CADM1: variants seen among roughly 807,000 people sequenced by gnomAD.
CADM1 encodes TSLC-1.
In CADM1, 15 loss-of-function variants were observed where a neutral mutation model predicts 53.1. The ratio of observed to expected loss-of-function variants is 0.28; its 90% CI spans 0.19 to 0.44. CADM1 has a LOEUF of 0.44. Ranked by LOEUF, CADM1 falls within the 20% of genes least tolerant of loss-of-function variation. The pLI, the probability that CADM1 is intolerant of heterozygous loss-of-function variation, is 1.00. For missense variants in CADM1, 434 were observed against 611.3 expected (o/e 0.71, Z 3.06); for synonymous variants, 281 against 243.0 (o/e 1.16, Z -1.45).
intron 1 of CADM1, among the ~76,000 whole-genome samples, chr11:115,455,213 T>C (rs1356688841): frequency 6.6e-6 from 1 of 152,114 alleles, no homozygotes; most frequent in Non-Finnish European, 1.5e-5. Flanking sequence ...TTCCAACCAA[T>C]TGCAAAATCA....
chr11:115,217,057 A>G (rs937319058), intron 6 of CADM1, among the ~76,000 whole-genome samples: 7 of 152,282 alleles, frequency 4.6e-5, no homozygotes, highest in African/African-American at 1.7e-4. Flanking sequence ...TTGACCTATT[A>G]TTCCATTTCA....
At chr11:115,275,446 G>A (rs924496129) in intron 1 of CADM1, among the ~76,000 whole-genome samples, 1 of 152,118 alleles carries the variant, frequency 6.6e-6, no homozygotes, top group African/African-American at 2.4e-5. Flanking sequence ...GGAGATAGAT[G>A]CTTTACTGTT....
At chr11:115,345,600 A>C (rs1333166216) in intron 1 of CADM1, among the ~76,000 whole-genome samples, 1 of 152,188 alleles carries the variant, frequency 6.6e-6, no homozygotes, top group Non-Finnish European at 1.5e-5. Context: ...TCAGCTGGAT[A>C]GTGTGTAGGA....
chr11:115,392,195 T>C (rs962031210), intron 1 of CADM1, among the ~76,000 whole-genome samples: 1 of 152,114 alleles, frequency 6.6e-6, no homozygotes, highest in Non-Finnish European at 1.5e-5. Flanking sequence ...ATTTGTTCAT[T>C]TATTGTGTTA....
intron 1 of CADM1, among the ~76,000 whole-genome samples, chr11:115,461,649 A>G (rs59347524): frequency 6.6e-6 from 1 of 152,364 alleles, no homozygotes; most frequent in East Asian, 1.9e-4. Context: ...GAAAGGAAAA[A>G]GAAATGAATA....
chr11:115,404,649 A>G (rs1471830717), intron 1 of CADM1, among the ~76,000 whole-genome samples: 4 of 150,892 alleles, frequency 2.7e-5, no homozygotes, highest in Admixed American at 1.3e-4. Flanking sequence ...TTAATTGCAT[A>G]TAACCCGCAA....
intron 1 of CADM1, among the ~76,000 whole-genome samples, chr11:115,490,639 C>A (rs1448045650): frequency 1.3e-5 from 2 of 152,044 alleles, no homozygotes; most frequent in Non-Finnish European, 2.9e-5. Flanking sequence ...ACCTTGTGAT[C>A]CGCCCACCTG....
At chr11:115,483,693 G>A (rs1949305302) in intron 1 of CADM1, among the ~76,000 whole-genome samples, 1 of 152,134 alleles carries the variant, frequency 6.6e-6, no homozygotes, top group South Asian at 2.1e-4. Flanking sequence ...ATACCGATGA[G>A]CATGAGAATT....
At chr11:115,208,099 C>T (rs1940784211) in intron 8 of CADM1, among the ~76,000 whole-genome samples, 1 of 152,112 alleles carries the variant, frequency 6.6e-6, no homozygotes, top group Non-Finnish European at 1.5e-5. Flanking sequence ...CTTAAGTTTA[C>T]AGAAGGAAGT....
intron 1 of CADM1, among the ~76,000 whole-genome samples, chr11:115,438,408 T>G (rs1213773177): frequency 6.6e-6 from 1 of 152,158 alleles, no homozygotes; most frequent in Non-Finnish European, 1.5e-5. Flanking sequence ...GGTTTGCTGC[T>G]GATTCTGGAA....
chr11:115,464,801 T>C (rs1006098799), intron 1 of CADM1, among the ~76,000 whole-genome samples: 2 of 152,226 alleles, frequency 1.3e-5, no homozygotes, highest in Admixed American at 6.5e-5. Context: ...CAAATTTATA[T>C]GTAATACAGC....
chr11:115,320,687 GAA>G (rs936572921), intron 1 of CADM1, among the ~76,000 whole-genome samples: 1 of 142,576 alleles, frequency 7.0e-6, no homozygotes, highest in African/African-American at 2.6e-5. Context: ...TGGGAATCCA[GAA>G]AAAAAAAAAG....
At chr11:115,205,120 G>A (rs536498481) in intron 8 of CADM1, among the ~76,000 whole-genome samples, 1 of 152,188 alleles carries the variant, frequency 6.6e-6, no homozygotes, top group South Asian at 2.1e-4. Flanking sequence ...CACATGTCTA[G>A]TGTGACCTCC....
chr11:115,255,143 G>A (rs1440985656), intron 1 of CADM1, among the ~76,000 whole-genome samples: 1 of 152,188 alleles, frequency 6.6e-6, no homozygotes, highest in East Asian at 1.9e-4. Flanking sequence ...TTTGGCATCA[G>A]TGTTCCCCTT....
intron 2 of CADM1, among the ~76,000 whole-genome samples, chr11:115,239,827 T>A (rs1031229755): frequency 6.6e-6 from 1 of 152,178 alleles, no homozygotes; most frequent in Non-Finnish European, 1.5e-5. Flanking sequence ...GATATTACAT[T>A]TGGAAAGATT....
Position 115,179,002 on chromosome 11 carries a change from T to C in CADM1, c.1166-227A>G, listed in dbSNP as rs538720785. 5.3e-6 allele frequency: 3 copies of C among 562,852 alleles called. No individual in the cohort carries two copies. In the East Asian group the frequency reaches 9.8e-5, roughly 18 times the overall value. The allele number at this position is 562,852 out of a possible 1,614,324, so 34.9% of individuals were successfully genotyped here. ...TTTCATGATAAGCAGCATAGGAGGGTTAATGCATGTGGAACAAGCTTAGGG... is the reference window on the plus strand; with the variant it reads ...TTTCATGATAAGCAGCATAGGAGGGCTAATGCATGTGGAACAAGCTTAGGG... On this transcript the variant is annotated intron_variant, in intron 10 of 11. Coordinates refer to ENST00000331581, the MANE Select transcript of CADM1 (RefSeq NM_001301043.2).
intron 1 of CADM1, among the ~76,000 whole-genome samples, chr11:115,336,648 T>G (rs918975641): frequency 2.6e-5 from 4 of 152,124 alleles, no homozygotes; most frequent in Non-Finnish European, 5.9e-5. Context: ...AAACACTAGA[T>G]TTAAGTTCTT....
At chr11:115,353,176 A>G (rs545737246) in intron 1 of CADM1, among the ~76,000 whole-genome samples, 10 of 152,256 alleles carry the variant, frequency 6.6e-5, no homozygotes, top group Non-Finnish European at 1.3e-4. Context: ...GGGTACAGAC[A>G]GGATTTCTTT....
chr11:115,211,365 C>T (rs192180022), intron 7 of CADM1, among the ~76,000 whole-genome samples: 4 of 152,040 alleles, frequency 2.6e-5, no homozygotes, highest in Non-Finnish European at 2.9e-5. Context: ...TGCTGCCCAG[C>T]ACAGGGTCAG....
Sources: gnomAD v4.1 joint callset for allele counts (sites outside exome capture counted in the v4.1 genomes callset) on GRCh38, gnomAD v4.1.1 for gene constraint, MANE v1.5 for transcripts, NCBI Gene and HGNC (gene_info 2026-07-23, HGNC 2026-07-21) for gene names.